Variants in NETO2 observed in about 807,000 individuals in gnomAD.
The protein encoded by NETO2 is neuropilin and tolloid-like protein 2.
A neutral mutation model predicts 62.5 loss-of-function variants in NETO2; 28 were observed. The observed-to-expected ratio is 0.45, with a 90% CI of 0.33 to 0.61. The LOEUF is 0.61. Among genes scored for constraint, NETO2 ranks in the 20% least tolerant of loss-of-function variants. NETO2 has a pLI of 0.02. For synonymous variants in NETO2, 214 were observed against 219.1 expected, an observed-to-expected ratio of 0.98 and a Z score of 0.21; for missense variants, 548 against 643.2, an observed-to-expected ratio of 0.85 and a Z score of 1.60.
intron 4 of NETO2, among the ~76,000 whole-genome samples, chr16:47,127,523 A>C (rs1440669050): frequency 1.3e-5 from 2 of 152,344 alleles, no homozygotes; most frequent in African/African-American, 4.8e-5. Flanking sequence ...AAAAGAGTAG[A>C]AAGAGCTGTG....
In NETO2 at chr16:47,143,663, G is replaced by A; in HGVS notation, c.-51C>T. On this transcript the variant is annotated 5_prime_UTR_variant, in exon 1 of 9. Coordinates refer to ENST00000562435, the MANE Select transcript of NETO2 (RefSeq NM_018092.5). ...GAAGGGCTGAGGTAGCGGCGGCGGT[G>A]GCTCGGCGCTCACGGCTCGGCGCGG... 1 of 1,218,300 alleles carries A rather than the reference G, an allele frequency of 8.2e-7. No homozygotes were observed. Among genetic ancestry groups the A allele is most frequent in the Non-Finnish European group, 1.0e-6 (1 of 977,638 alleles). The allele number at this position is 1,218,300 out of a possible 1,614,324, so 75.5% of individuals were successfully genotyped here.
chr16:47,123,497 C>CT (rs1220694533), intron 4 of NETO2, among the ~76,000 whole-genome samples: 3 of 147,964 alleles, frequency 2.0e-5, no homozygotes, highest in Non-Finnish European at 4.5e-5. Flanking sequence ...CAAAATGAGT[C>CT]TTAAAAAAAA....
chr16:47,115,884 T>C (rs1963911244), intron 6 of NETO2, among the ~76,000 whole-genome samples: 1 of 151,294 alleles, frequency 6.6e-6, no homozygotes, highest in Admixed American at 6.6e-5. Flanking sequence ...AATTGATTTT[T>C]GTATACTGGT....
In NETO2 at chr16:47,129,384, T is replaced by C; in HGVS notation, c.92-20A>G. The C allele has an allele frequency of 6.2e-7, 1 of 1,611,614 alleles. No homozygotes were observed. The highest frequency in any genetic ancestry group is 8.5e-7 in the Non-Finnish European group (1 of 1,178,902). ...GTCCATCTTAGGGAAAAACGGCATT[T>C]AAAACACTCATTACAGCAAAAGAGA... On this transcript the variant is annotated intron_variant, in intron 2 of 8. Transcript: ENST00000562435.
intron 7 of NETO2, among the ~76,000 whole-genome samples, chr16:47,093,039 T>C (rs988241480): frequency 6.6e-6 from 1 of 152,192 alleles, no homozygotes; most frequent in Non-Finnish European, 1.5e-5. Flanking sequence ...GCTGTGACTA[T>C]GGAAGTAAAC....
intron 7 of NETO2, among the ~76,000 whole-genome samples, chr16:47,091,216 G>A (rs193269752): frequency 4.6e-5 from 7 of 152,206 alleles, no homozygotes; most frequent in Admixed American, 3.9e-4. Flanking sequence ...GGGTAATAAA[G>A]CTAAATTTGG....
intron 3 of NETO2, among the ~76,000 whole-genome samples, chr16:47,128,792 A>C (rs1253357490): frequency 6.6e-6 from 1 of 152,218 alleles, no homozygotes; most frequent in Admixed American, 6.5e-5. Flanking sequence ...TATGCTATCT[A>C]CTAAATTAAA....
chr16:47,128,136 T>C (rs1964193123), intron 4 of NETO2, among the ~76,000 whole-genome samples, 189 bp downstream of exon 4: 1 of 152,246 alleles, frequency 6.6e-6, no homozygotes, highest in African/African-American at 2.4e-5. Context: ...ATTCAAGTGA[T>C]ACGTTTCTAT....
At position 47,128,534 on chromosome 16, in the gene NETO2, T is replaced by C. The variant is rs1264752661; in HGVS notation, c.272A>G (p.His91Arg). The C allele has an allele frequency of 6.2e-7, 1 of 1,613,596 alleles. No homozygotes were observed. Among genetic ancestry groups the C allele is most frequent in the Non-Finnish European group, 8.5e-7 (1 of 1,179,916 alleles). The change falls in exon 4 of 9, where the codon CAT becomes CGT. Residue 91 changes from histidine to arginine, a missense_variant. His to Arg is a conservative substitution (Grantham distance 29). Coordinates refer to ENST00000562435, the MANE Select transcript of NETO2 (RefSeq NM_018092.5). ...CTCAAATGATGGTTCTATATAATAA[T>C]GTTCATCAAAGGTCAACTCTATTCT... ...RQRIELTFDE[H>R]YYIEPSFECR...
intron 8 of NETO2, 131 bp from the exon 9 acceptor site, chr16:47,083,932 A>G: frequency 1.5e-6 from 1 of 660,418 alleles, no homozygotes; most frequent in Non-Finnish European, 2.5e-6. Context: ...GCAATTTACA[A>G]TTAGGTTTTT....
chr16:47,094,730 A>AT (rs1963393749), intron 7 of NETO2, among the ~76,000 whole-genome samples: 1 of 119,720 alleles, frequency 8.4e-6, no homozygotes, highest in African/African-American at 3.2e-5. Context: ...CTGGCCATTT[A>AT]TTTTTTGAGA....
At position 47,126,480 on chromosome 16, in the gene NETO2, G is replaced by A. The variant is rs554550434; in HGVS notation, c.481+1845C>T. On this transcript the variant is annotated intron_variant, in intron 4 of 8. Transcript: ENST00000562435. ...ATTGCCAGTGGTTTGGGGAAAGGGA[G>A]GGACCAACAGGCAGAGCACGGGGCA... Among the ~76,000 whole-genome samples the A allele has an allele frequency of 5.9e-5, 9 of 152,312 alleles. No individual in the cohort carries two copies. The East Asian group carries it at 1.7e-3, about 29-fold the overall frequency.
At chr16:47,096,678 C>G (rs964749134) in intron 7 of NETO2, among the ~76,000 whole-genome samples, 4 of 152,208 alleles carry the variant, frequency 2.6e-5, no homozygotes, top group African/African-American at 9.7e-5. Flanking sequence ...GGCTCTGGAT[C>G]ACATGGCTTC....
intron 7 of NETO2, among the ~76,000 whole-genome samples, chr16:47,106,776 G>T (rs144490803): frequency 2.4e-4 from 37 of 151,820 alleles, no homozygotes; most frequent in African/African-American, 7.2e-4. Flanking sequence ...TGGTTTCCAG[G>T]ATATAATTTT....
chr16:47,094,109 C>G (rs1465916156), intron 7 of NETO2, among the ~76,000 whole-genome samples: 1 of 151,904 alleles, frequency 6.6e-6, no homozygotes, highest in Non-Finnish European at 1.5e-5. Context: ...ACCAGCCCTG[C>G]CCAAATGTAG....
intron 7 of NETO2, among the ~76,000 whole-genome samples, chr16:47,104,295 G>T (rs1249746678): frequency 6.6e-6 from 1 of 152,098 alleles, no homozygotes; most frequent in East Asian, 1.9e-4. Context: ...GCATTAAAAA[G>T]AATAAAATAT....
In NETO2 at chr16:47,082,273, T is replaced by G. The variant is rs16952126; in HGVS notation, c.*948A>C. The G allele has an allele frequency of 0.14, 21,536 of 152,548 alleles. 3,499 individuals carry two copies. Among genetic ancestry groups the G allele is most frequent in the African/African-American group, 0.4 (16,642 of 41,484 alleles). 9.4% of individuals were successfully genotyped at this position (152,548 alleles called of 1,614,324 possible). On this transcript the variant is annotated 3_prime_UTR_variant, in exon 9 of 9. Transcript: ENST00000562435. ...GCATCTAACCTTGGTTACCATATGC[T>G]GTAAGCAAAACCAACAGAATGGGAG...
rs1354407681 is a variant in NETO2, at chr16:47,081,192, T to C, written c.*2029A>G. 1 of 152,118 alleles carries C rather than the reference T, an allele frequency of 6.6e-6. No individual in the cohort carries two copies. Among genetic ancestry groups the C allele is most frequent in the African/African-American group, 2.4e-5 (1 of 41,448 alleles). 9.4% of individuals were successfully genotyped at this position (152,118 alleles called of 1,614,324 possible). A position where few individuals can be genotyped will look rare whatever the true frequency, so the allele number is the denominator to read the frequency against. ...ACAGCTATTTTAAAAAATGAATAAT[T>C]TTACATAGAAAATATGCTAACTTCC... On this transcript the variant is annotated 3_prime_UTR_variant, in exon 9 of 9. Transcript: ENST00000562435.
At chr16:47,125,955 C>G (rs1964149012) in intron 4 of NETO2, among the ~76,000 whole-genome samples, 1 of 152,156 alleles carries the variant, frequency 6.6e-6, no homozygotes, top group African/African-American at 2.4e-5. Context: ...TCATCCCAAG[C>G]TGAAAGTCTA....
Sources: gnomAD v4.1 joint callset for allele counts (sites outside exome capture counted in the v4.1 genomes callset) on GRCh38, gnomAD v4.1.1 for gene constraint, MANE v1.5 for transcripts, NCBI Gene and HGNC (gene_info 2026-07-23, HGNC 2026-07-21) for gene names.